PARD3B: variants seen among roughly 807,000 people sequenced by gnomAD.
PARD3B encodes the protein par-3 family cell polarity regulator beta, also known as partitioning defective 3 homolog B.
PARD3B carries 103 observed loss-of-function variants against 130.2 expected under a neutral mutation model. The ratio of observed to expected loss-of-function variants is 0.79; its 90% confidence interval spans 0.67 to 0.93. The LOEUF is 0.93. Ranked by LOEUF, PARD3B falls within the 40% of genes least tolerant of loss-of-function variation. The pLI is 0.00. For missense variants in PARD3B, 1,609 were observed against 1,499.2 expected (o/e 1.07, Z -1.21); for synonymous variants, 583 against 553.2 (o/e 1.05, Z -0.76).
intron 2 of PARD3B, among the ~76,000 whole-genome samples, chr2:204,951,486 C>T (rs529991877): frequency 7.2e-5 from 11 of 152,258 alleles, no homozygotes; most frequent in Non-Finnish European, 7.4e-5. Flanking sequence ...TGAAACACCA[C>T]TTCTGTAGCC....
intron 13 of PARD3B, 115 bp from the exon 14 acceptor site, chr2:205,185,649 C>T: frequency 1.4e-6 from 1 of 739,494 alleles, no homozygotes; most frequent in Non-Finnish European, 2.4e-6. Flanking sequence ...TTATTTATTT[C>T]AGGGCTGGTT....
intron 1 of PARD3B, among the ~76,000 whole-genome samples, chr2:204,663,404 A>G (rs917230889): frequency 1.3e-5 from 2 of 152,240 alleles, no homozygotes; most frequent in Non-Finnish European, 2.9e-5. Flanking sequence ...TGAACTTACA[A>G]TCATATTGGG....
chr2:205,235,519 T>C (rs901640770), intron 15 of PARD3B, among the ~76,000 whole-genome samples: 9 of 152,124 alleles, frequency 5.9e-5, no homozygotes, highest in African/African-American at 2.2e-4. Flanking sequence ...AAACTGAGTA[T>C]AGTTCTGAAC....
chr2:205,329,326 G>A (rs1171097436), intron 18 of PARD3B, among the ~76,000 whole-genome samples: 1 of 152,196 alleles, frequency 6.6e-6, no homozygotes. Context: ...TTAGTTAAAT[G>A]GGTGAAGTAG....
chr2:205,068,171 G>A (rs79918292), intron 4 of PARD3B, among the ~76,000 whole-genome samples: 100 of 152,262 alleles, frequency 6.6e-4, no homozygotes, highest in African/African-American at 2.4e-3. Flanking sequence ...TCTGTTTGGG[G>A]ATGGGGCAGG....
intron 2 of PARD3B, among the ~76,000 whole-genome samples, chr2:204,701,562 C>T (rs1213897549): frequency 6.6e-6 from 1 of 152,002 alleles, no homozygotes; most frequent in African/African-American, 2.4e-5. Context: ...GCAAATCTAA[C>T]TTTTTTTAAA....
chr2:205,559,913 G>T (rs1382210626), intron 22 of PARD3B, among the ~76,000 whole-genome samples: 1 of 152,100 alleles, frequency 6.6e-6, no homozygotes, highest in Non-Finnish European at 1.5e-5. Context: ...TTTCTAAATA[G>T]TTCATCCCTA....
At chr2:205,326,647 G>C (rs1311345582) in intron 18 of PARD3B, among the ~76,000 whole-genome samples, 1 of 151,982 alleles carries the variant, frequency 6.6e-6, no homozygotes, top group African/African-American at 2.4e-5. Flanking sequence ...AGTATGCTGA[G>C]GCTTGATATA....
intron 2 of PARD3B, among the ~76,000 whole-genome samples, chr2:204,898,119 TA>T (rs1044760962): frequency 0.033 from 4,801 of 146,710 alleles, 249 homozygotes; most frequent in African/African-American, 0.11. Flanking sequence ...TTTACCATAA[TA>T]AAAAAAAAAC....
rs574928820 is a variant in PARD3B, at chr2:205,230,827, T to G, written c.2141-14951T>G. Among the ~76,000 whole-genome samples the G allele has an allele frequency of 1.3e-5, 2 of 152,230 alleles. No individual in the cohort carries two copies. Among genetic ancestry groups the G allele is most frequent in the East Asian group, 1.9e-4 (1 of 5,158 alleles). ...GTTCTGACTGCTGGGATGGGCAATTTCCCTCTGGCTAGGGCTGGTCTGAGT... is the reference window on the plus strand; with the variant it reads ...GTTCTGACTGCTGGGATGGGCAATTGCCCTCTGGCTAGGGCTGGTCTGAGT... On this transcript the variant is annotated intron_variant, in intron 15 of 22. Transcript: ENST00000406610. The surrounding 1 kb of genome is among the most constrained non-coding windows in gnomAD (Gnocchi z 4.1).
rs1413226228 is a variant in PARD3B at position 205,057,517 on chromosome 2, GCA to G, written c.504+9828_504+9829del. 5.0e-5 allele frequency among the ~76,000 whole-genome samples: 7 copies of G among 140,218 alleles called. 2 individuals carry two copies. The South Asian group carries it at 6.5e-4, about 13-fold the overall frequency. The allele number at this position is 140,218 out of a possible 152,430, so 92.0% of individuals were successfully genotyped here. ...TGTATATATACATATATGTGTATGT[GCA>G]TGTGTATATATACATATATGTATAT... On this transcript the variant is annotated intron_variant, in intron 4 of 22. Coordinates refer to ENST00000406610, the MANE Select transcript of PARD3B (RefSeq NM_001302769.2).
At chr2:204,934,029 TGAA>T (rs1476363815) in intron 2 of PARD3B, among the ~76,000 whole-genome samples, 1 of 152,160 alleles carries the variant, frequency 6.6e-6, no homozygotes, top group African/African-American at 2.4e-5. Flanking sequence ...AGGAGACAGT[TGAA>T]GAAAGGGAGG....
rs1444499380 is a variant in PARD3B, at chr2:205,113,397, T to C, written c.594-94T>C. 2.2e-4 allele frequency: 46 copies of C among 210,636 alleles called. No homozygotes were observed. The East Asian group carries it at 0.01, about 46-fold the overall frequency. 13.0% of individuals were successfully genotyped at this position (210,636 alleles called of 1,614,324 possible). On this transcript the variant is annotated intron_variant, in intron 5 of 22. Coordinates refer to ENST00000406610, the MANE Select transcript of PARD3B (RefSeq NM_001302769.2). ...GTTGATATAATCCTGAGCAGGGGTG[T>C]GTGTGTGTGTGTGTGTGTGTGTGTG...
chr2:205,604,672 T>A (rs949502584), intron 22 of PARD3B, among the ~76,000 whole-genome samples: 1 of 152,200 alleles, frequency 6.6e-6, no homozygotes, highest in Non-Finnish European at 1.5e-5. Context: ...GAGAATCTGA[T>A]GATTATGTGT....
intron 20 of PARD3B, among the ~76,000 whole-genome samples, chr2:205,450,970 A>C (rs1308627501): frequency 1.3e-5 from 2 of 152,210 alleles, no homozygotes. Context: ...AGGCTTAACA[A>C]TCATCCACAG....
chr2:204,621,542 A>G (rs2034302600), intron 1 of PARD3B, among the ~76,000 whole-genome samples: 1 of 152,214 alleles, frequency 6.6e-6, no homozygotes, highest in Non-Finnish European at 1.5e-5. Flanking sequence ...ATATTCTAAT[A>G]TATCAGTCTG....
At chr2:205,089,160 T>C (rs1157895030) in intron 4 of PARD3B, among the ~76,000 whole-genome samples, 3 of 146,836 alleles carry the variant, frequency 2.0e-5, no homozygotes, top group Non-Finnish European at 3.0e-5. Context: ...TTTTTTTTTC[T>C]TTTTTTCTTT....
chr2:205,137,009 T>A (rs2125661493), intron 10 of PARD3B, among the ~76,000 whole-genome samples: 1 of 152,328 alleles, frequency 6.6e-6, no homozygotes, highest in East Asian at 1.9e-4. Flanking sequence ...AAAACATGAT[T>A]CTTTAACTCC....
rs977256919 is a variant in PARD3B, at chr2:205,022,210, C to T, written c.395-25371C>T. On this transcript the variant is annotated intron_variant, in intron 3 of 22. Coordinates refer to ENST00000406610, the MANE Select transcript of PARD3B (RefSeq NM_001302769.2). The stretch of plus-strand genomic sequence containing the variant: ...ACATTACCTAAAACATACTGGCTTC[C>T]CTATGTAATTCTATTATGAATACTA... Among the ~76,000 whole-genome samples the T allele has an allele frequency of 2.0e-5, 3 of 152,004 alleles. No individual in the cohort carries two copies. The South Asian group carries it at 6.2e-4, about 32-fold the overall frequency.
Sources: gnomAD v4.1 joint callset for allele counts (sites outside exome capture counted in the v4.1 genomes callset) on GRCh38, gnomAD v4.1.1 for gene constraint, Gnocchi (gnomAD v3.1) non-coding constraint, MANE v1.5 for transcripts, NCBI Gene and HGNC (gene_info 2026-07-23, HGNC 2026-07-21) for gene names.